PCLO: variants seen among roughly 807,000 people sequenced by gnomAD.
PCLO encodes piccolo presynaptic cytomatrix protein.
PCLO carries 82 observed loss-of-function variants against 427.5 expected under a neutral mutation model. The ratio of observed to expected loss-of-function variants is 0.19; its 90% CI spans 0.16 to 0.23. The LOEUF is 0.23. Among genes scored for constraint, PCLO ranks in the 10% least tolerant of loss-of-function variants. The pLI is 1.00. For synonymous variants in PCLO, 2,357 were observed against 2,155.4 expected, an observed-to-expected ratio of 1.09 and a Z score of -2.59; for missense variants, 6,239 against 6,115.9, an observed-to-expected ratio of 1.02 and a Z score of -0.67.
chr7:82,776,904 ACG>A (rs200291980), intron 22 of PCLO, among the ~76,000 whole-genome samples: 2 of 145,382 alleles, frequency 1.4e-5, no homozygotes, highest in South Asian at 2.1e-4. Context: ...ATATAGATAT[ACG>A]CACACACACA....
intron 3 of PCLO, among the ~76,000 whole-genome samples, chr7:82,969,302 C>G: frequency 6.6e-6 from 1 of 152,018 alleles, no homozygotes; most frequent in Non-Finnish European, 1.5e-5. Flanking sequence ...CTTGGTAAAC[C>G]TATAAAGTGG....
In PCLO at chr7:82,760,692, A is replaced by C. The variant is rs2129467535; in HGVS notation, c.15235T>G (p.Ser5079Ala). The C allele has an allele frequency of 6.2e-7, 1 of 1,605,028 alleles. No individual in the cohort carries two copies. The highest frequency in any genetic ancestry group is 1.1e-5 in the South Asian group (1 of 89,912). The stretch of plus-strand genomic sequence containing the variant: ...CTGAATCGAAAAGTTTCATTAAACG[A>C]AGGCTCTCGATCATGTCTGCATACT... Reference protein sequence around the residue: ...TRVCRHDREPSFNETFRFSLS... With the variant: ...TRVCRHDREPAFNETFRFSLS... The change falls in exon 24 of 25, where the codon TCG becomes GCG. Residue 5079 changes from serine to alanine, a missense_variant. This residue lies in a region of PCLO where 877 missense variants were observed against 925.5 expected (regional missense o/e 0.95). Transcript: ENST00000333891.
intron 10 of PCLO, among the ~76,000 whole-genome samples, chr7:82,858,626 C>T (rs1382705926): frequency 6.6e-6 from 1 of 151,990 alleles, no homozygotes; most frequent in Non-Finnish European, 1.5e-5. Context: ...AAATCAACAA[C>T]AAAAATCAGC....
intron 3 of PCLO, among the ~76,000 whole-genome samples, chr7:83,105,983 C>T (rs1457613828): frequency 6.6e-6 from 1 of 152,124 alleles, no homozygotes; most frequent in Non-Finnish European, 1.5e-5. Flanking sequence ...TCAAAATTAG[C>T]AAGAAGTTAG....
At chr7:82,869,730 T>A (rs1326774985) in intron 10 of PCLO, among the ~76,000 whole-genome samples, 1 of 151,890 alleles carries the variant, frequency 6.6e-6, no homozygotes, top group African/African-American at 2.4e-5. Context: ...GTGTGAGTAA[T>A]AATACACTAT....
chr7:82,767,586 T>C (rs1206335937), intron 22 of PCLO, among the ~76,000 whole-genome samples: 2 of 151,874 alleles, frequency 1.3e-5, no homozygotes, highest in Non-Finnish European at 2.9e-5. Context: ...ATAGAGAACA[T>C]AGAGAATAAA....
In PCLO at chr7:83,112,962, T is replaced by C. The variant is rs562782848; in HGVS notation, c.3300+21288A>G. Among the ~76,000 whole-genome samples the C allele has an allele frequency of 4.2e-4, 64 of 152,300 alleles. No individual in the cohort carries two copies. The South Asian group carries it at 0.012, about 29-fold the overall frequency. On this transcript the variant is annotated intron_variant, in intron 3 of 24. Coordinates refer to ENST00000333891, the MANE Select transcript of PCLO (RefSeq NM_033026.6). ...TCATTTCATTAAGCAGCTTAACTCT[T>C]AGAAGTGAAAGTTCAGTCAAAAAAT... is the stretch of plus-strand genomic sequence containing the variant.
At chr7:82,780,293 G>A (rs1310843428) in intron 22 of PCLO, among the ~76,000 whole-genome samples, 4 of 152,174 alleles carry the variant, frequency 2.6e-5, no homozygotes, top group African/African-American at 7.2e-5. Context: ...TGCCATTAAA[G>A]TTGAAATTAT....
At chr7:83,138,547 G>A (rs974996768) in intron 2 of PCLO, among the ~76,000 whole-genome samples, 8 of 151,872 alleles carry the variant, frequency 5.3e-5, no homozygotes, top group Non-Finnish European at 1.2e-4. Context: ...TGCAGTCCCA[G>A]CCATTTGGGA....
chr7:83,156,158 G>A lies in PCLO; in HGVS notation c.483C>T (p.Asn161=), dbSNP rs372527626. Reference sequence around the variant, plus strand: ...CAACAGAGGAAACAGCACTTAAAGCGTTAACCTCTGAGAGGAAGCCAGGCA... The same window carrying A: ...CAACAGAGGAAACAGCACTTAAAGCATTAACCTCTGAGAGGAAGCCAGGCA... ...SMMPGFLSEV[N]ALSAVSSVVN... is the part of the protein sequence containing the mutation. Residue 161 remains asparagine (N), a synonymous_variant, in exon 2 of 25, where the codon AAC becomes AAT. Transcript: ENST00000333891. The A allele has an allele frequency of 6.8e-5, 109 of 1,613,578 alleles. No homozygotes were observed. In the African/African-American group the frequency reaches 1.2e-3, roughly 17 times the overall value.
Position 83,155,974 on chromosome 7 carries a change from G to C in PCLO, c.667C>G (p.Gln223Glu), listed in dbSNP as rs766161846. Reference sequence around the variant, plus strand: ...TGAAGCGGATCCCTACCAGGTCCTTGCTGCTTAGGAATCGGCTTGGGTGGC... The same window carrying C: ...TGAAGCGGATCCCTACCAGGTCCTTCCTGCTTAGGAATCGGCTTGGGTGGC... ...QQPPKPIPKQ[Q>E]GPGRDPLQQD... The change falls in exon 2 of 25, where the codon CAA becomes GAA. Residue 223 changes from glutamine (Q) to glutamate (E), a missense_variant. By Grantham distance (29) the Gln-to-Glu change is conservative. Around this residue, in one of 5 missense-constraint regions of PCLO, gnomAD observed 4,677 missense variants for 4,468.4 expected, o/e 1.05. Coordinates refer to ENST00000333891, the MANE Select transcript of PCLO (RefSeq NM_033026.6). 6.8e-6 allele frequency: 11 copies of C among 1,613,638 alleles called. 1 individual carries two copies. The highest frequency in any genetic ancestry group is 6.6e-5 in the South Asian group (6 of 91,072).
intron 6 of PCLO, among the ~76,000 whole-genome samples, chr7:82,922,698 A>G (rs1346087989): frequency 1.3e-5 from 2 of 151,994 alleles, no homozygotes. Flanking sequence ...CAATTTACCT[A>G]TGTAACAAAC....
chr7:82,824,377 T>C lies in PCLO; in HGVS notation c.14455A>G (p.Thr4819Ala), dbSNP rs1266253596. The stretch of plus-strand genomic sequence containing the variant: ...TCTTTGAGAGGATACCACCTTGGAG[T>C]GTTATCGAGGTGAGATGTGCTAGAT... ...DLSSTSHLDN[T>A]PRWYPLKEQT... Residue 4819 changes from threonine (T) to alanine (A), a missense_variant, in exon 19 of 25, where the codon ACT becomes GCT. Thr to Ala is a moderately conservative substitution (Grantham distance 58). Transcript: ENST00000333891. 4 of 1,611,892 alleles carry C rather than the reference T, an allele frequency of 2.5e-6. No individual in the cohort carries two copies. The highest frequency in any genetic ancestry group is 1.7e-5 in the Admixed American group (1 of 59,820).
At chr7:82,919,827 CA>C (rs1408254912) in intron 6 of PCLO, among the ~76,000 whole-genome samples, 2 of 151,830 alleles carry the variant, frequency 1.3e-5, no homozygotes, top group African/African-American at 4.8e-5. Context: ...CCCTAAAATA[CA>C]TAACTATTCA....
chr7:82,976,160 T>C (rs950359613), intron 3 of PCLO, among the ~76,000 whole-genome samples: 1 of 152,132 alleles, frequency 6.6e-6, no homozygotes, highest in Non-Finnish European at 1.5e-5. Context: ...AGGTTACCCA[T>C]GTTGTCAATT....
chr7:82,840,554 A>C (rs950745653), intron 14 of PCLO, among the ~76,000 whole-genome samples: 1 of 152,176 alleles, frequency 6.6e-6, no homozygotes, highest in East Asian at 1.9e-4. Flanking sequence ...ATTTAGTCTT[A>C]ACCTACTTCT....
chr7:82,973,406 T>TA (rs147732767), intron 3 of PCLO, among the ~76,000 whole-genome samples: 6,119 of 152,240 alleles, frequency 0.04, 178 homozygotes, highest in Non-Finnish European at 0.06. Context: ...CATAAGATTA[T>TA]ATCAAATTAT....
intron 3 of PCLO, among the ~76,000 whole-genome samples, chr7:82,992,325 C>T (rs922784716): frequency 1.3e-5 from 2 of 152,028 alleles, no homozygotes; most frequent in Non-Finnish European, 2.9e-5. Context: ...CAAATGAGTA[C>T]CCTCTCTGTG....
chr7:82,790,203 A>T, intron 22 of PCLO, among the ~76,000 whole-genome samples: 1 of 152,138 alleles, frequency 6.6e-6, no homozygotes, highest in East Asian at 1.9e-4. Flanking sequence ...CCCATCCTTC[A>T]GAACCCCAAA....
Sources: gnomAD v4.1 joint callset for allele counts (sites outside exome capture counted in the v4.1 genomes callset) on GRCh38, gnomAD v4.1.1 for gene constraint, gnomAD v4.1.1 regional missense constraint, MANE v1.5 for transcripts, NCBI Gene and HGNC (gene_info 2026-07-23, HGNC 2026-07-21) for gene names.